DMD: variants seen among roughly 807,000 people sequenced by gnomAD.
DMD encodes the protein dystrophin.
DMD carries 63 observed loss-of-function variants against 330.1 expected under a neutral mutation model. The observed-to-expected ratio is 0.19, with a 90% CI of 0.16 to 0.24. The LOEUF is 0.24. Ranked by LOEUF, DMD falls within the 10% of genes least tolerant of loss-of-function variation. The pLI, the probability that DMD is intolerant of heterozygous loss-of-function variation, is 1.00. For synonymous variants in DMD, 1,223 were observed against 959.8 expected (o/e 1.27, Z -5.07); for missense variants, 3,344 against 2,684.1 (o/e 1.25, Z -5.43).
intron 1 of DMD, among the ~76,000 whole-genome samples, chrX:33,218,539 T>TAA (rs759237250): frequency 9.2e-6 from 1 of 108,726 alleles, no homozygotes; most frequent in Admixed American, 9.8e-5. Context: ...AGACTTTTTT[T>TAA]AAAAAAAAAA....
intron 44 of DMD, among the ~76,000 whole-genome samples, chrX:32,085,690 ACGTATATATACACACG>A: frequency 9.5e-6 from 1 of 104,793 alleles, no homozygotes; most frequent in Non-Finnish European, 1.9e-5. Flanking sequence ...GTATATATAT[ACGTATATATACACACG>A]CGTATATATA....
chrX:32,413,936 G>A (rs1419261049), intron 29 of DMD, among the ~76,000 whole-genome samples: 1 of 109,630 alleles, frequency 9.1e-6, no homozygotes, highest in Non-Finnish European at 1.9e-5. Context: ...GCCCAGGCTG[G>A]TCTCAAACTC....
At chrX:31,453,525 A>G (rs777752537) in intron 59 of DMD, among the ~76,000 whole-genome samples, 2 of 110,152 alleles carry the variant, frequency 1.8e-5, no homozygotes, top group South Asian at 7.8e-4. Context: ...CTGGAGATGG[A>G]TGGTGGTGAT....
chrX:31,699,705 A>G (rs1192266352), intron 52 of DMD, among the ~76,000 whole-genome samples: 2 of 111,708 alleles, frequency 1.8e-5, no homozygotes, highest in African/African-American at 6.5e-5. Flanking sequence ...CATGTTGAAG[A>G]ACTTAGGGGT....
intron 16 of DMD, among the ~76,000 whole-genome samples, chrX:32,557,185 G>C (rs1006078918): frequency 9.0e-6 from 1 of 111,253 alleles, no homozygotes; most frequent in Non-Finnish European, 1.9e-5. Flanking sequence ...TAGTAGCAAA[G>C]CATAGATATA....
intron 1 of DMD, among the ~76,000 whole-genome samples, chrX:33,037,367 A>AG (rs57076957): frequency 2.5e-4 from 10 of 40,760 alleles, no homozygotes; most frequent in African/African-American, 9.2e-4. Flanking sequence ...CTATACAGGA[A>AG]AAAAAAAAAA....
chrX:31,353,744 A>G (rs769997960), intron 60 of DMD, among the ~76,000 whole-genome samples: 2 of 111,862 alleles, frequency 1.8e-5, no homozygotes, highest in East Asian at 5.6e-4. Flanking sequence ...CCAGTTAGAG[A>G]TGAACAATTT....
intron 1 of DMD, among the ~76,000 whole-genome samples, chrX:33,110,830 G>A (rs1012200228): frequency 1.8e-5 from 2 of 110,855 alleles, no homozygotes; most frequent in Admixed American, 9.7e-5. Flanking sequence ...AATGGTGGCC[G>A]AATTGTGTAT....
In DMD at chrX:31,146,510, T is replaced by A; in HGVS notation, c.10798-96A>T. 4.3e-6 allele frequency: 4 copies of A among 928,123 alleles called. No homozygotes were observed. The Admixed American group carries it at 1.0e-4, about 24-fold the overall frequency. 76.5% of individuals were successfully genotyped at this position (928,123 alleles called of 1,213,427 possible). A position where few individuals can be genotyped will look rare whatever the true frequency, so the allele number is the denominator to read the frequency against. On this transcript the variant is annotated intron_variant, in intron 75 of 78. Coordinates refer to ENST00000357033, the MANE Select transcript of DMD (RefSeq NM_004006.3). ...ATACACACTCAGGACTCATAAATTT[T>A]GACCCTTCCTACTTTAGAAGCCCTC...
At chrX:32,523,720 C>A (rs1046583386) in intron 17 of DMD, among the ~76,000 whole-genome samples, 1 of 111,332 alleles carries the variant, frequency 9.0e-6, no homozygotes, top group African/African-American at 3.3e-5. Flanking sequence ...AGATAAATAT[C>A]TCATGCTTTT....
chrX:32,252,860 AAATATATAAATATATAAAAATATATAT>A (rs2097279888), intron 43 of DMD, among the ~76,000 whole-genome samples: 1 of 75,692 alleles, frequency 1.3e-5, no homozygotes, highest in African/African-American at 5.7e-5. Context: ...AAATATATAT[AAATATATAAATATATAAAAATATATAT>A]AAATATATAT....
chrX:33,188,405 T>G (rs2050364659), intron 1 of DMD, among the ~76,000 whole-genome samples: 1 of 110,972 alleles, frequency 9.0e-6, no homozygotes, highest in South Asian at 3.8e-4. Context: ...TCTTTTGCCC[T>G]CTGGTACTTT....
intron 60 of DMD, among the ~76,000 whole-genome samples, chrX:31,377,565 T>C (rs1569535276): frequency 1.8e-5 from 2 of 112,343 alleles, no homozygotes; most frequent in Non-Finnish European, 3.8e-5. Context: ...CCTAATGTAA[T>C]GGTTAGGATT....
intron 44 of DMD, among the ~76,000 whole-genome samples, chrX:32,213,819 C>T (rs1385967137): frequency 9.0e-6 from 1 of 110,580 alleles, no homozygotes; most frequent in Non-Finnish European, 1.9e-5. Context: ...ACTAAAAATA[C>T]AAAAATTAGC....
chrX:32,830,036 A>G (rs772892731), intron 4 of DMD, among the ~76,000 whole-genome samples: 1 of 111,712 alleles, frequency 9.0e-6, no homozygotes, highest in East Asian at 2.8e-4. Flanking sequence ...AGTGTAAGAA[A>G]TGCTAATTGA....
rs1389194397 is a variant in DMD at position 32,012,949 on chromosome X, CTCTT to C, written c.6439-44439_6439-44436del. ...TGCTCTTCATATATATACTGAATATCTCTTTCTCAGTGTAGAATGTCATTCATTC... is the reference window on the plus strand; with the variant it reads ...TGCTCTTCATATATATACTGAATATCTCTCAGTGTAGAATGTCATTCATTC... On this transcript the variant is annotated intron_variant, in intron 44 of 78. Coordinates refer to ENST00000357033, the MANE Select transcript of DMD (RefSeq NM_004006.3). 6.3e-5 allele frequency among the ~76,000 whole-genome samples: 7 copies of C among 110,874 alleles called. No homozygotes were observed. In the East Asian group the frequency reaches 1.4e-3, roughly 23 times the overall value.
chrX:33,174,488 A>G (rs1295519888), intron 1 of DMD, among the ~76,000 whole-genome samples: 3 of 111,659 alleles, frequency 2.7e-5, no homozygotes, highest in African/African-American at 9.8e-5. Flanking sequence ...CCAAAATTGG[A>G]CTGCATTGGT....
At chrX:32,495,464 G>A (rs1417786251) in intron 19 of DMD, among the ~76,000 whole-genome samples, 2 of 111,866 alleles carry the variant, frequency 1.8e-5, no homozygotes, top group African/African-American at 3.2e-5. Flanking sequence ...TACTTGGGCA[G>A]GGGATGGAGA....
chrX:32,315,190 T>C (rs2097578839), intron 41 of DMD, among the ~76,000 whole-genome samples: 2 of 111,818 alleles, frequency 1.8e-5, no homozygotes, highest in South Asian at 7.5e-4. Context: ...ATATACACCA[T>C]GGGACACTAT....
Sources: allele counts gnomAD v4.1 joint callset (sites outside exome capture counted in the v4.1 genomes callset), GRCh38; gene constraint gnomAD v4.1.1; transcripts MANE v1.5; gene names NCBI Gene and HGNC (gene_info 2026-07-23, HGNC 2026-07-21).